Variants in IRAG2 observed in about 807,000 individuals in gnomAD.
IRAG2 encodes the protein inositol 1,4,5-triphosphate receptor associated 2.
IRAG2 carries 45 observed loss-of-function variants against 69.9 expected under a neutral mutation model. That is an observed-to-expected ratio of 0.64 (90% CI 0.51 to 0.83). IRAG2 has a LOEUF of 0.83. Ranked by LOEUF, IRAG2 falls within the 40% of genes least tolerant of loss-of-function variation. The pLI, the probability that IRAG2 is intolerant of heterozygous loss-of-function variation, is 0.00. For synonymous variants in IRAG2, 193 were observed against 202.4 expected (o/e 0.95, Z 0.40); for missense variants, 520 against 587.0 (o/e 0.89, Z 1.18).
intron 2 of IRAG2, among the ~76,000 whole-genome samples, chr12:25,006,999 T>C (rs1319578352): frequency 6.6e-6 from 1 of 152,220 alleles, no homozygotes; most frequent in African/African-American, 2.4e-5. Context: ...GAGTAACCAT[T>C]GTTAGTGACT....
intron 6 of IRAG2, among the ~76,000 whole-genome samples, chr12:25,018,950 A>G (rs1481998832): frequency 1.3e-5 from 2 of 152,126 alleles, no homozygotes; most frequent in Admixed American, 6.5e-5. Context: ...TTGTCCCATC[A>G]TAGTGTAATT....
chr12:25,005,699 A>G (rs1944425687), intron 2 of IRAG2, among the ~76,000 whole-genome samples: 1 of 152,192 alleles, frequency 6.6e-6, no homozygotes, highest in African/African-American at 2.4e-5. Context: ...ACCACTATAC[A>G]AAATTTTAGT....
upstream of IRAG2, among the ~76,000 whole-genome samples, chr12:24,999,650 A>C (rs1944376878): frequency 6.6e-6 from 1 of 152,212 alleles, no homozygotes; most frequent in African/African-American, 2.4e-5. Context: ...TAGAAATAGC[A>C]AACAATATGT....
In IRAG2 at chr12:25,079,281, T is replaced by C; in HGVS notation, c.62T>C (p.Leu21Pro). 1 of 1,614,130 alleles carries C rather than the reference T, an allele frequency of 6.2e-7. No individual in the cohort carries two copies. Residue 21 changes from leucine to proline, a missense_variant, in exon 7 of 22, where the codon CTG (leucine) becomes CCG (proline). Coordinates refer to ENST00000556887, the MANE Select transcript of IRAG2 (RefSeq NM_001366544.2). Reference protein sequence around the residue: ...GVERVCPESLLQSREYSSLPL... With the variant: ...GVERVCPESLPQSREYSSLPL... ...GAACGCGTGTGTCCTGAGAGCCTGC[T>C]GCAGTCCAGGTTTGCTTGTTTGTGT...
chr12:25,094,180 T>G (rs899403199), intron 14 of IRAG2, among the ~76,000 whole-genome samples: 1 of 152,184 alleles, frequency 6.6e-6, no homozygotes, highest in East Asian at 1.9e-4. Flanking sequence ...CCTGAAGCTT[T>G]TCCCTTATGT....
Position 25,061,513 on chromosome 12 carries a change from A to G in IRAG2, c.-446-79A>G, listed in dbSNP as rs370132442. 1.3e-5 allele frequency: 5 copies of G among 397,702 alleles called. No homozygotes were observed. In the East Asian group the frequency reaches 1.8e-4, roughly 14 times the overall value. 24.6% of individuals were successfully genotyped at this position (397,702 alleles called of 1,614,324 possible). On this transcript the variant is annotated intron_variant, in intron 1 of 21. Coordinates refer to ENST00000556887, the MANE Select transcript of IRAG2 (RefSeq NM_001366544.2). The stretch of plus-strand genomic sequence containing the variant: ...GCACTCCAATCTGGGCAATAGAACC[A>G]AATCCTGTCTTGAAATAAATTCATT...
chr12:25,046,010 T>G (rs1304364677), intron 16 of IRAG2, among the ~76,000 whole-genome samples: 1 of 152,090 alleles, frequency 6.6e-6, no homozygotes, highest in Admixed American at 6.5e-5. Context: ...ATTGAAAGGC[T>G]TATACACTAT....
chr12:25,025,503 TA>T (rs201839867), intron 8 of IRAG2, among the ~76,000 whole-genome samples: 1,649 of 151,800 alleles, frequency 0.011, 11 homozygotes, highest in Middle Eastern at 0.027. Context: ...TGTCTTTTTT[TA>T]AAACAAAACA....
chr12:25,019,321 T>C (rs1033464836), intron 6 of IRAG2, among the ~76,000 whole-genome samples: 1 of 152,172 alleles, frequency 6.6e-6, no homozygotes, highest in African/African-American at 2.4e-5. Flanking sequence ...CAGGTTCTTG[T>C]CCAACATCCA....
At chr12:25,066,746 G>T (rs1166538479) in intron 5 of IRAG2, among the ~76,000 whole-genome samples, 1 of 151,220 alleles carries the variant, frequency 6.6e-6, no homozygotes, top group African/African-American at 2.4e-5. Context: ...GCCTCCCGAG[G>T]TCAAGCAATT....
chr12:25,100,536 A>G (rs867962666), intron 15 of IRAG2, among the ~76,000 whole-genome samples: 1 of 152,198 alleles, frequency 6.6e-6, no homozygotes, highest in South Asian at 2.1e-4. Flanking sequence ...GAATCCCCAG[A>G]GAAAAACCTT....
chr12:25,004,180 G>A (rs528243281), upstream of IRAG2, among the ~76,000 whole-genome samples: 1 of 152,310 alleles, frequency 6.6e-6, no homozygotes, highest in South Asian at 2.1e-4. Flanking sequence ...TGGAAAATTT[G>A]CTTAGAGAAA....
intron 6 of IRAG2, among the ~76,000 whole-genome samples, chr12:25,076,980 A>G (rs540501865): frequency 2.0e-5 from 3 of 150,374 alleles, no homozygotes; most frequent in Non-Finnish European, 4.4e-5. Context: ...GGCTCAAGCA[A>G]TCCTCCCATC....
chr12:25,053,544 G>C (rs1945003358), intron 1 of IRAG2, among the ~76,000 whole-genome samples: 2 of 152,086 alleles, frequency 1.3e-5, no homozygotes, highest in Admixed American at 6.6e-5. Context: ...TTACCCAAAA[G>C]TATATAAACA....
At chr12:25,056,062 C>T (rs1497260) in intron 1 of IRAG2, among the ~76,000 whole-genome samples, 9,842 of 152,248 alleles carry the variant, frequency 0.065, 435 homozygotes, top group Non-Finnish European at 0.094. Flanking sequence ...GTAGTATCTG[C>T]ACATGAACTT....
chr12:25,101,963 G>A (rs1364245258), intron 16 of IRAG2: 2 of 669,746 alleles, frequency 3.0e-6, no homozygotes, highest in Admixed American at 4.1e-5. Flanking sequence ...TGCCTACCCT[G>A]TGCTAGCTAG....
intron 7 of IRAG2, chr12:25,021,091 C>CTTTTTTTTTTTTTTT (rs71063389): frequency 3.0e-5 from 8 of 266,012 alleles, no homozygotes; most frequent in Admixed American, 1.2e-4. Context: ...TCTTTCTTTT[C>CTTTTTTTTTTTTTTT]TTTTTTTTTT....
At chr12:25,006,521 A>AG (rs1735053481) in intron 2 of IRAG2, 1 of 152,250 alleles carries the variant, frequency 6.6e-6, no homozygotes, top group African/African-American at 2.4e-5. Context: ...GTACCTACAC[A>AG]CCATGGAATA....
chr12:25,015,518 C>A, intron 5 of IRAG2: 1 of 838,190 alleles, frequency 1.2e-6, no homozygotes, highest in South Asian at 6.4e-5. Context: ...ACAATGAAGT[C>A]ACTTTGCTCT....
Sources: allele counts gnomAD v4.1 joint callset (sites outside exome capture counted in the v4.1 genomes callset), GRCh38; gene constraint gnomAD v4.1.1; transcripts MANE v1.5; gene names NCBI Gene and HGNC (gene_info 2026-07-23, HGNC 2026-07-21).